The following ANK1 variants were observed in gnomAD, a reference collection of about 807,000 sequenced individuals.
ANK1 encodes the protein ankyrin 1, also known as ankyrin-1.
ANK1 carries 51 observed loss-of-function variants against 210.4 expected under a neutral mutation model. That is an observed-to-expected ratio of 0.24 (90% confidence interval 0.19 to 0.31). The LOEUF (loss-of-function observed/expected upper bound fraction) is 0.31, where lower values mean the gene tolerates loss of function less well. ANK1 is among the 10% of genes least tolerant of loss of function. The pLI is 1.00. For synonymous variants in ANK1, 967 were observed against 1,025.9 expected (o/e 0.94, Z 1.10); for missense variants, 2,051 against 2,504.4 (o/e 0.82, Z 3.86).
At chr8:41,713,638 C>T (rs773216098) in intron 16 of ANK1, among the ~76,000 whole-genome samples, 1 of 152,234 alleles carries the variant, frequency 6.6e-6, no homozygotes, top group African/African-American at 2.4e-5. Flanking sequence ...TTAAAGAGGT[C>T]TCTTGTTTCC....
Position 41,723,706 on chromosome 8 carries a change from C to G in ANK1, c.712-73G>C, listed in dbSNP as rs957991144. ...ATGCAGCTGCTGTGCACCCGCTCCC[C>G]TTGTCCCCAGCCCCCAGTCCCCAGG... On this transcript the variant is annotated intron_variant, in intron 7 of 42. Transcript: ENST00000289734. The G allele has an allele frequency of 8.7e-6, 12 of 1,374,334 alleles. No individual in the cohort carries two copies. The African/African-American group carries it at 1.7e-4, about 20-fold the overall frequency. The allele number at this position is 1,374,334 out of a possible 1,614,324, so 85.1% of individuals were successfully genotyped here.
At chr8:41,673,037 C>T (rs934093241) in intron 37 of ANK1, 125 bp from the exon 38 acceptor site, 32 of 1,068,892 alleles carry the variant, frequency 3.0e-5, no homozygotes, top group South Asian at 1.6e-4. Context: ...CATGCACATT[C>T]GGGGTGGGTT....
chr8:41,698,349 C>T (rs1821693486), intron 23 of ANK1, among the ~76,000 whole-genome samples: 2 of 152,214 alleles, frequency 1.3e-5, no homozygotes, highest in African/African-American at 4.8e-5. Context: ...AGAATCCTCG[C>T]TCTGGCTAAC....
intron 16 of ANK1, among the ~76,000 whole-genome samples, chr8:41,710,577 T>G (rs547468290): frequency 1.8e-4 from 28 of 152,306 alleles, no homozygotes; most frequent in African/African-American, 6.3e-4. Context: ...GATCACACTT[T>G]CAGTAGCAAG....
intron 1 of ANK1, among the ~76,000 whole-genome samples, chr8:41,782,755 C>G (rs114312590): frequency 0.025 from 3,874 of 152,266 alleles, 52 homozygotes; most frequent in Non-Finnish European, 0.029. Context: ...TCTCTAATCA[C>G]CTATGCGAAA....
At position 41,870,393 on chromosome 8, in the gene ANK1, G is replaced by C. The variant is rs909054833; in HGVS notation, c.126+25962C>G. On this transcript the variant is annotated intron_variant, in intron 1 of 42. Transcript: ENST00000265709. ...TTCACTCGTGTTCATTCATTCAGAC[G>C]ACATGCTCTGAGCTCTACTCATGAC... is the stretch of plus-strand genomic sequence containing the variant. Among the ~76,000 whole-genome samples the C allele has an allele frequency of 1.4e-4, 21 of 152,238 alleles. No individual in the cohort carries two copies. In the South Asian group the frequency reaches 3.7e-3, roughly 27 times the overall value.
At chr8:41,862,049 A>C (rs1264024061) in intron 1 of ANK1, among the ~76,000 whole-genome samples, 1 of 152,200 alleles carries the variant, frequency 6.6e-6, no homozygotes, top group Non-Finnish European at 1.5e-5. Context: ...GGGTGAATCT[A>C]GGTGACTTGG....
intron 2 of ANK1, among the ~76,000 whole-genome samples, chr8:41,753,062 T>C (rs1399025453): frequency 1.6e-5 from 1 of 62,114 alleles, no homozygotes; most frequent in African/African-American, 6.3e-5. Context: ...CGCAGGCTCT[T>C]TTTTTTTTTT....
intron 1 of ANK1, among the ~76,000 whole-genome samples, chr8:41,822,990 C>G (rs73623070): frequency 0.025 from 3,769 of 152,294 alleles, 171 homozygotes; most frequent in African/African-American, 0.085. Context: ...ATTTGTGAAA[C>G]AGGAAAGCTA....
intron 7 of ANK1, 49 bp downstream of exon 7, chr8:41,724,407 G>A: frequency 6.8e-7 from 1 of 1,480,512 alleles, no homozygotes; most frequent in Non-Finnish European, 9.2e-7. Context: ...AGGAGCAACT[G>A]CCAGCCCCAA....
intron 1 of ANK1, among the ~76,000 whole-genome samples, chr8:41,895,646 C>G (rs548913284): frequency 6.6e-6 from 1 of 152,126 alleles, no homozygotes; most frequent in African/African-American, 2.4e-5. Context: ...CTGGAGCACC[C>G]GTGCCTGGCT....
At chr8:41,699,077 G>A (rs1019901906) in intron 23 of ANK1, among the ~76,000 whole-genome samples, 2 of 152,174 alleles carry the variant, frequency 1.3e-5, no homozygotes, top group African/African-American at 2.4e-5. Context: ...GGGATTACAG[G>A]TGTGAGCCAC....
intron 2 of ANK1, among the ~76,000 whole-genome samples, chr8:41,742,880 G>T (rs988759537): frequency 6.6e-6 from 1 of 152,168 alleles, no homozygotes; most frequent in Non-Finnish European, 1.5e-5. Flanking sequence ...TCTTGCCTGT[G>T]ATAAGGAGGA....
intron 42 of ANK1, among the ~76,000 whole-genome samples, 179 bp from the exon 43 acceptor site, chr8:41,655,932 G>A (rs77546242): frequency 0.011 from 1,743 of 152,360 alleles, 29 homozygotes; most frequent in African/African-American, 0.04. Flanking sequence ...TTCCTGAGAT[G>A]CCGCCCTCCT....
In ANK1 at chr8:41,663,096, G is replaced by GTCTCTC. The variant is rs550550380; in HGVS notation, c.5478+562_5478+563insGAGAGA. 7.9e-3 allele frequency among the ~76,000 whole-genome samples: 653 copies of GTCTCTC among 82,250 alleles called. 3 individuals are homozygous for GTCTCTC. Among genetic ancestry groups the GTCTCTC allele is most frequent in the South Asian group, 0.039 (87 of 2,228 alleles). The allele number at this position is 82,250 out of a possible 152,430, so 54.0% of individuals were successfully genotyped here. A position where few individuals can be genotyped will look rare whatever the true frequency, so the allele number is the denominator to read the frequency against. On this transcript the variant is annotated intron_variant, in intron 40 of 42. Coordinates refer to ENST00000289734, the MANE Select transcript of ANK1 (RefSeq NM_000037.4). ...TGCCTGGCTAATTTTGTGTGTGTGT[G>GTCTCTC]TGTCTCTCTCTCTCTCTCTGTGTGT...
At chr8:41,820,387 G>T (rs1804053383) in intron 1 of ANK1, among the ~76,000 whole-genome samples, 1 of 141,898 alleles carries the variant, frequency 7.0e-6, no homozygotes, top group South Asian at 2.3e-4. Context: ...GTGTAGACAT[G>T]GTCTCCCTAT....
Position 41,690,275 on chromosome 8 carries a change from G to A in ANK1, c.4056C>T (p.Thr1352=), listed in dbSNP as rs142056143. The A allele has an allele frequency of 9.9e-6, 16 of 1,614,094 alleles. No individual in the cohort carries two copies. The highest frequency in any genetic ancestry group is 1.4e-5 in the Non-Finnish European group (16 of 1,180,038). The change falls in exon 33 of 43, where the codon ACC becomes ACT. Residue 1352 remains threonine, a synonymous_variant. Transcript: ENST00000289734. ...FLRKAMKYED[T]QHILCHLNIT... ...TGTTCAGGTGGCAGAGAATGTGCTG[G>A]GTGTCCTCGTACTTCATCGCCTTGC...
chr8:41,715,503 T>G (rs905836549), intron 14 of ANK1, 149 bp downstream of exon 14: 8 of 981,900 alleles, frequency 8.1e-6, no homozygotes, highest in South Asian at 2.9e-5. Flanking sequence ...GGCTTGCAGG[T>G]GGTGGCCAGC....
chr8:41,715,759 C>T lies in ANK1; in HGVS notation c.1495G>A (p.Ala499Thr). 1 of 1,614,192 alleles carries T rather than the reference C, an allele frequency of 6.2e-7. No individual in the cohort carries two copies. The highest frequency in any genetic ancestry group is 8.5e-7 in the Non-Finnish European group (1 of 1,180,038). The change falls in exon 14 of 43, where the codon GCC becomes ACC. Residue 499 changes from alanine (A) to threonine (T), a missense_variant. Physicochemically the swap from Ala to Thr is moderately conservative, Grantham distance 58. Around this residue, in one of 6 missense-constraint regions of ANK1, gnomAD observed 1,413 missense variants for 1,707.4 expected, o/e 0.83. Coordinates refer to ENST00000289734, the MANE Select transcript of ANK1 (RefSeq NM_000037.4). Reference sequence around the variant, plus strand: ...AGGGGGGTGTGCCCGGCGGTGGTGGCCAGGTTGGGGTTGGCGTTATTTTCC... The same window carrying T: ...AGGGGGGTGTGCCCGGCGGTGGTGGTCAGGTTGGGGTTGGCGTTATTTTCC... ...LLENNANPNL[A>T]TTAGHTPLHI...
Sources: gnomAD v4.1 joint callset for allele counts (sites outside exome capture counted in the v4.1 genomes callset) on GRCh38, gnomAD v4.1.1 for gene constraint, gnomAD v4.1.1 regional missense constraint, MANE v1.5 for transcripts, NCBI Gene and HGNC (gene_info 2026-07-23, HGNC 2026-07-21) for gene names.